SMC5: variants seen among roughly 807,000 people sequenced by gnomAD.
SMC5 encodes structural maintenance of chromosomes 5, also known as structural maintenance of chromosomes protein 5.
In SMC5, 88 loss-of-function variants were observed where a neutral mutation model predicts 148.3. The observed-to-expected ratio is 0.59, with a 90% CI of 0.50 to 0.71. SMC5 has a LOEUF of 0.71. Among genes scored for constraint, SMC5 ranks in the 30% least tolerant of loss-of-function variants. The pLI, the probability that SMC5 is intolerant of heterozygous loss-of-function variation, is 0.00. For synonymous variants in SMC5, 421 were observed against 432.8 expected, an observed-to-expected ratio of 0.97 and a Z score of 0.34; for missense variants, 1,142 against 1,298.9, an observed-to-expected ratio of 0.88 and a Z score of 1.86.
chr9:70,334,689 C>G (rs1012951553), intron 17 of SMC5, among the ~76,000 whole-genome samples: 2 of 151,944 alleles, frequency 1.3e-5, no homozygotes, highest in Non-Finnish European at 2.9e-5. Context: ...AGCTTAATTT[C>G]CTTATTGGCC....
Position 70,264,352 on chromosome 9 carries a change from C to G in SMC5, c.234C>G (p.Ile78Met). Reference protein sequence around the residue: ...EVSPGPHLNMIVGANGTGKSS... With the variant: ...EVSPGPHLNMMVGANGTGKSS... ...CTCCTGGACCCCACTTGAATATGAT[C>G]GTTGGAGCCAATGGAACAGGGAAGT... The change falls in exon 2 of 25, where the codon ATC (isoleucine) becomes ATG (methionine). Residue 78 changes from isoleucine (I) to methionine (M), a missense_variant. Transcript: ENST00000361138. 6.2e-7 allele frequency: 1 copy of G among 1,613,872 alleles called. No individual in the cohort carries two copies. The highest frequency in any genetic ancestry group is 8.5e-7 in the Non-Finnish European group (1 of 1,179,860).
At chr9:70,326,493 A>G (rs1196952400) in intron 17 of SMC5, among the ~76,000 whole-genome samples, 1 of 152,072 alleles carries the variant, frequency 6.6e-6, no homozygotes, top group African/African-American at 2.4e-5. Context: ...AAAAGAAAGG[A>G]GAGAAAACTT....
intron 17 of SMC5, among the ~76,000 whole-genome samples, chr9:70,333,713 A>T (rs989741497): frequency 2.6e-5 from 4 of 152,212 alleles, no homozygotes; most frequent in African/African-American, 9.6e-5. Context: ...CCTGGGTGAC[A>T]GAGTAAGACT....
At chr9:70,270,500 T>C (rs997893196) in intron 3 of SMC5, among the ~76,000 whole-genome samples, 3 of 152,116 alleles carry the variant, frequency 2.0e-5, no homozygotes, top group Non-Finnish European at 2.9e-5. Flanking sequence ...AAGTTTCTGT[T>C]CATGGCTTTA....
Position 70,280,811 on chromosome 9 carries a change from A to G in SMC5, c.731A>G (p.Glu244Gly), listed in dbSNP as rs371519470. 1.9e-4 allele frequency: 303 copies of G among 1,613,688 alleles called. No homozygotes were observed. The highest frequency in any genetic ancestry group is 2.4e-4 in the Non-Finnish European group (279 of 1,179,842). The change falls in exon 6 of 25, where the codon GAA (glutamate) becomes GGA (glycine). Residue 244 changes from glutamate to glycine, a missense_variant. Coordinates refer to ENST00000361138, the MANE Select transcript of SMC5 (RefSeq NM_015110.4). ...CTACAGAAAATGGTTCAGAGGAATG[A>G]AAGATATAAACAAGATGTGGAGAGG... Reference protein sequence around the residue: ...EYLQKMVQRNERYKQDVERFY... With the variant: ...EYLQKMVQRNGRYKQDVERFY...
intron 3 of SMC5, among the ~76,000 whole-genome samples, chr9:70,277,008 A>T (rs1191699115): frequency 2.0e-5 from 3 of 152,184 alleles, no homozygotes; most frequent in African/African-American, 4.8e-5. Context: ...TAATTAAAGG[A>T]TAAACAACTC....
At chr9:70,259,319 C>A in intron 1 of SMC5, 56 bp downstream of exon 1, 2 of 1,482,632 alleles carry the variant, frequency 1.3e-6, no homozygotes, top group Non-Finnish European at 1.8e-6. Context: ...CAGCAGGCCC[C>A]GGGGCTCCGG....
At chr9:70,346,536 A>G (rs1352836951) in intron 18 of SMC5, 69 bp from the exon 19 acceptor site, 1 of 1,436,138 alleles carries the variant, frequency 7.0e-7, no homozygotes, top group East Asian at 2.3e-5. Context: ...TCATAAGTGC[A>G]GTATAAAGTT....
rs530063630 is a variant in SMC5 at position 70,340,298 on chromosome 9, T to TA, written c.2398-3845dup. Among the ~76,000 whole-genome samples the TA allele has an allele frequency of 7.2e-5, 11 of 152,054 alleles. No individual in the cohort carries two copies. In the South Asian group the frequency reaches 2.1e-3, roughly 29 times the overall value. On this transcript the variant is annotated intron_variant, in intron 17 of 24. Transcript: ENST00000361138. ...CTGTTTCAGAGGAGACTTTTTTTTT[T>TA]ACTTAGATGAAATTTTGAAGAAAAC... is the stretch of plus-strand genomic sequence containing the variant.
chr9:70,259,333 C>CGCGCGG (rs2034025464), intron 1 of SMC5, 70 bp downstream of exon 1: 3 of 1,464,500 alleles, frequency 2.0e-6, no homozygotes, highest in Non-Finnish European at 2.7e-6. Flanking sequence ...GCTCCGGCAG[C>CGCGCGG]GCGCGGGCGT....
At chr9:70,260,725 C>A (rs1325336080) in intron 1 of SMC5, among the ~76,000 whole-genome samples, 1 of 152,072 alleles carries the variant, frequency 6.6e-6, no homozygotes, top group Non-Finnish European at 1.5e-5. Context: ...GTTTTGTCTA[C>A]GAGTATGAGA....
chr9:70,317,649 T>C (rs1346395057), intron 13 of SMC5, among the ~76,000 whole-genome samples: 1 of 152,182 alleles, frequency 6.6e-6, no homozygotes, highest in African/African-American at 2.4e-5. Context: ...AAACAACCTC[T>C]AAAAATGCTC....
At chr9:70,322,734 G>A (rs1004885811) in intron 15 of SMC5, among the ~76,000 whole-genome samples, 9 of 152,132 alleles carry the variant, frequency 5.9e-5, no homozygotes, top group Non-Finnish European at 1.2e-4. Context: ...TTCTCGGGAG[G>A]CTGAGGCAGG....
At chr9:70,351,932 C>G (rs2036813297) in intron 24 of SMC5, among the ~76,000 whole-genome samples, 2 of 152,066 alleles carry the variant, frequency 1.3e-5, no homozygotes, top group Non-Finnish European at 1.5e-5. Context: ...AAAAAGTTAG[C>G]TGGGCCTGAT....
chr9:70,281,300 C>G (rs2034744113), intron 6 of SMC5, among the ~76,000 whole-genome samples: 1 of 152,108 alleles, frequency 6.6e-6, no homozygotes, highest in South Asian at 2.1e-4. Flanking sequence ...CCTCGGCCTC[C>G]CAAAATACTG....
At position 70,300,757 on chromosome 9, in the gene SMC5, C is replaced by G. The variant is rs867770884; in HGVS notation, c.1464+557C>G. Among the ~76,000 whole-genome samples, 48 of 152,140 alleles carry G rather than the reference C, an allele frequency of 3.2e-4. No individual in the cohort carries two copies. In the Middle Eastern group the frequency reaches 0.01, roughly 32 times the overall value. On this transcript the variant is annotated intron_variant, in intron 10 of 24. Coordinates refer to ENST00000361138, the MANE Select transcript of SMC5 (RefSeq NM_015110.4). ...CTAGTGAAGTGTGGCCATGGATTTA[C>G]TAAGATGTTTGCCATCCAGACTGTT...
chr9:70,340,811 T>C (rs942540447), intron 17 of SMC5, among the ~76,000 whole-genome samples: 2 of 152,172 alleles, frequency 1.3e-5, no homozygotes, highest in Non-Finnish European at 2.9e-5. Flanking sequence ...TCTTGTTTAA[T>C]GTCGAGGTAT....
chr9:70,262,302 A>C (rs1451495779), intron 1 of SMC5, among the ~76,000 whole-genome samples: 2 of 152,222 alleles, frequency 1.3e-5, no homozygotes, highest in Non-Finnish European at 1.5e-5. Flanking sequence ...TTAGAGGTCT[A>C]AGGAGAGAAT....
intron 17 of SMC5, among the ~76,000 whole-genome samples, chr9:70,324,579 G>T (rs2036030226): frequency 6.6e-6 from 1 of 152,044 alleles, no homozygotes; most frequent in African/African-American, 2.4e-5. Context: ...ATCCATGTGG[G>T]CATACTGCAG....
Sources: gnomAD v4.1 joint callset for allele counts (sites outside exome capture counted in the v4.1 genomes callset) on GRCh38, gnomAD v4.1.1 for gene constraint, MANE v1.5 for transcripts, NCBI Gene and HGNC (gene_info 2026-07-23, HGNC 2026-07-21) for gene names.